The following MEGF10 variants were observed in gnomAD, a reference collection of about 807,000 sequenced individuals.
The protein encoded by MEGF10 is multiple EGF like domains 10.
In MEGF10, 86 loss-of-function variants were observed where a neutral mutation model predicts 147.5. The ratio of observed to expected loss-of-function variants is 0.58; its 90% CI spans 0.49 to 0.70. The LOEUF is 0.70. Ranked by LOEUF, MEGF10 falls within the 30% of genes least tolerant of loss-of-function variation. The pLI, the probability that MEGF10 is intolerant of heterozygous loss-of-function variation, is 0.00. For missense variants in MEGF10, 1,329 were observed against 1,487.3 expected (o/e 0.89, Z 1.75); for synonymous variants, 478 against 525.5 (o/e 0.91, Z 1.24).
At chr5:127,419,646 T>C (rs1351056070) in intron 11 of MEGF10, among the ~76,000 whole-genome samples, 1 of 152,196 alleles carries the variant, frequency 6.6e-6, no homozygotes, top group African/African-American at 2.4e-5. Context: ...AATGGGGTCC[T>C]GCTTTAAAGA....
the MEGF10 span, among the ~76,000 whole-genome samples, chr5:127,267,522 G>T: frequency 7.2e-5 from 11 of 152,134 alleles, no homozygotes; most frequent in Admixed American, 1.3e-4. Context: ...TGTACCTCTG[G>T]TAGAATTTAG....
intron 1 of MEGF10, among the ~76,000 whole-genome samples, chr5:127,308,691 C>G (rs987014069): frequency 2.7e-5 from 4 of 147,662 alleles, no homozygotes; most frequent in African/African-American, 1.0e-4. Flanking sequence ...GGAAGGGGAA[C>G]ATCACACACC....
intron 5 of MEGF10, among the ~76,000 whole-genome samples, chr5:127,379,594 CTTTTTT>C (rs36030791): frequency 1.0e-4 from 9 of 90,380 alleles, no homozygotes; most frequent in Admixed American, 2.8e-4. Context: ...TGGCCAGCTT[CTTTTTT>C]TTTTTTTTTT....
chr5:127,453,452 T>C (rs1766232014), intron 22 of MEGF10, among the ~76,000 whole-genome samples: 1 of 152,166 alleles, frequency 6.6e-6, no homozygotes, highest in African/African-American at 2.4e-5. Context: ...GTTAGAGTAA[T>C]TGACACACTT....
intron 1 of MEGF10, among the ~76,000 whole-genome samples, chr5:127,313,140 G>T (rs750149993): frequency 6.6e-6 from 1 of 152,186 alleles, no homozygotes; most frequent in Admixed American, 6.5e-5. Context: ...GATTGTGAAG[G>T]CTGGTTCTCT....
rs1399262664 is a variant in MEGF10, at chr5:127,460,691, A to ATTAG, written c.*3375_*3378dup. 6.6e-6 allele frequency: 1 copy of ATTAG among 152,204 alleles called. No homozygotes were observed. Among genetic ancestry groups the ATTAG allele is most frequent in the African/African-American group, 2.4e-5 (1 of 41,466 alleles). The allele number at this position is 152,204 out of a possible 1,614,324, so 9.4% of individuals were successfully genotyped here. On this transcript the variant is annotated 3_prime_UTR_variant, in exon 25 of 25. Transcript: ENST00000503335. ...AATATCATTTATAATTGATGTCAAT[A>ATTAG]TTAGTAGTCCACTTTATGCTTAAAA...
At chr5:127,279,772 A>G in the MEGF10 span, among the ~76,000 whole-genome samples, 1 of 152,222 alleles carries the variant, frequency 6.6e-6, no homozygotes, top group Non-Finnish European at 1.5e-5. Flanking sequence ...GAGACTCCAG[A>G]CATAGCATCT....
At chr5:127,257,075 G>A in the MEGF10 span, among the ~76,000 whole-genome samples, 545 of 152,244 alleles carry the variant, frequency 3.6e-3, 2 homozygotes, top group African/African-American at 0.012. Context: ...GGAGGAAGTG[G>A]CTGCAAGGTG....
chr5:127,268,365 G>A, the MEGF10 span, among the ~76,000 whole-genome samples: 1 of 152,230 alleles, frequency 6.6e-6, no homozygotes, highest in East Asian at 1.9e-4. Flanking sequence ...GAATAAGTGC[G>A]ATGTGGTTCT....
chr5:127,235,336 G>T, the MEGF10 span, among the ~76,000 whole-genome samples: 1 of 152,108 alleles, frequency 6.6e-6, no homozygotes, highest in Non-Finnish European at 1.5e-5. Context: ...ACATGCCCAC[G>T]CCAGAAACCT....
intron 4 of MEGF10, among the ~76,000 whole-genome samples, chr5:127,346,348 G>C (rs1048413751): frequency 2.0e-5 from 3 of 151,752 alleles, no homozygotes; most frequent in African/African-American, 7.3e-5. Context: ...TTCCTTTTTC[G>C]CCACATCCAC....
intron 1 of MEGF10, among the ~76,000 whole-genome samples, chr5:127,301,592 T>G (rs1397420651): frequency 2.0e-5 from 3 of 152,182 alleles, no homozygotes; most frequent in Non-Finnish European, 4.4e-5. Flanking sequence ...ATTGCTGACC[T>G]TGTCATTTAC....
the MEGF10 span, among the ~76,000 whole-genome samples, chr5:127,234,989 G>A: frequency 6.6e-6 from 1 of 151,926 alleles, no homozygotes; most frequent in Non-Finnish European, 1.5e-5. Flanking sequence ...GATTACAGGC[G>A]CATGCCACCA....
At chr5:127,382,372 T>C (rs2126887466) in intron 5 of MEGF10, among the ~76,000 whole-genome samples, 1 of 152,310 alleles carries the variant, frequency 6.6e-6, no homozygotes, top group African/African-American at 2.4e-5. Context: ...GAAAACCAAA[T>C]GGTTTTACTA....
intron 20 of MEGF10, among the ~76,000 whole-genome samples, chr5:127,446,920 C>T (rs183994059): frequency 4.6e-5 from 7 of 152,310 alleles, no homozygotes; most frequent in South Asian, 2.1e-4. Context: ...ACTCAGAGTA[C>T]AGGTGTGATC....
At chr5:127,438,353 G>A in intron 16 of MEGF10, 86 bp from the exon 17 acceptor site, 1 of 1,434,272 alleles carries the variant, frequency 7.0e-7, no homozygotes, top group South Asian at 1.3e-5. Flanking sequence ...CTCACATGCA[G>A]GGAGATGTGT....
intron 4 of MEGF10, among the ~76,000 whole-genome samples, chr5:127,361,921 T>A (rs1038088749): frequency 3.9e-5 from 6 of 152,188 alleles, no homozygotes; most frequent in Non-Finnish European, 5.9e-5. Context: ...TAAAATTGAT[T>A]GAGATTTGTT....
chr5:127,419,862 T>A (rs537592839), intron 11 of MEGF10, among the ~76,000 whole-genome samples, 182 bp from the exon 12 acceptor site: 1 of 152,274 alleles, frequency 6.6e-6, no homozygotes, highest in Admixed American at 6.5e-5. Context: ...GTTTGGGTCG[T>A]CAGGGGTGCC....
chr5:127,262,491 C>T, the MEGF10 span, among the ~76,000 whole-genome samples: 205 of 152,224 alleles, frequency 1.3e-3, 3 homozygotes, highest in East Asian at 0.03. Flanking sequence ...GGGACCAACC[C>T]GCAGTATTTA....
Sources: allele counts gnomAD v4.1 joint callset (sites outside exome capture counted in the v4.1 genomes callset), GRCh38; gene constraint gnomAD v4.1.1; transcripts MANE v1.5; gene names NCBI Gene and HGNC (gene_info 2026-07-23, HGNC 2026-07-21).